Variants in PDGFC observed in about 807,000 individuals in gnomAD.
PDGFC encodes platelet derived growth factor C, also known as platelet-derived growth factor C.
A neutral mutation model predicts 35.5 loss-of-function variants in PDGFC; 12 were observed. The ratio of observed to expected loss-of-function variants is 0.34; its 90% CI spans 0.22 to 0.55. The LOEUF is 0.55. Among genes scored for constraint, PDGFC ranks in the 20% least tolerant of loss-of-function variants. PDGFC has a pLI of 0.91. For synonymous variants in PDGFC, 159 were observed against 148.8 expected (o/e 1.07, Z -0.50); for missense variants, 322 against 412.4 (o/e 0.78, Z 1.90).
At chr4:156,834,442 G>A (rs1358250584) in intron 2 of PDGFC, among the ~76,000 whole-genome samples, 1 of 152,084 alleles carries the variant, frequency 6.6e-6, no homozygotes, top group Non-Finnish European at 1.5e-5. Context: ...AATAATTTTA[G>A]AAGCAATAAA....
chr4:156,789,954 A>G (rs1056317106), intron 3 of PDGFC, among the ~76,000 whole-genome samples: 3 of 136,288 alleles, frequency 2.2e-5, no homozygotes, highest in Non-Finnish European at 4.6e-5. Context: ...TCCAGCCTGG[A>G]TGACAGAGTG....
At chr4:156,789,439 G>A (rs1731227610) in intron 3 of PDGFC, among the ~76,000 whole-genome samples, 1 of 152,046 alleles carries the variant, frequency 6.6e-6, no homozygotes, top group Non-Finnish European at 1.5e-5. Flanking sequence ...TGTGTACGGG[G>A]GCATTCAAAG....
intron 1 of PDGFC, among the ~76,000 whole-genome samples, chr4:156,866,180 C>T (rs1241374851): frequency 2.0e-5 from 3 of 152,110 alleles, no homozygotes; most frequent in African/African-American, 7.2e-5. Context: ...TTGTTCAATT[C>T]CCACCCATGA....
chr4:156,768,107 A>T, intron 4 of PDGFC, 117 bp from the exon 5 acceptor site: 1 of 692,756 alleles, frequency 1.4e-6, no homozygotes, highest in Admixed American at 2.3e-5. Flanking sequence ...AATATCCATA[A>T]CAATATCCGC....
chr4:156,938,091 C>G (rs560467133), intron 1 of PDGFC, among the ~76,000 whole-genome samples: 86 of 151,810 alleles, frequency 5.7e-4, no homozygotes, highest in African/African-American at 1.7e-3. Flanking sequence ...AGATTTCTTA[C>G]GAAAGGACAA....
At chr4:156,809,302 T>A (rs967056587) in intron 3 of PDGFC, among the ~76,000 whole-genome samples, 1 of 152,034 alleles carries the variant, frequency 6.6e-6, no homozygotes, top group Non-Finnish European at 1.5e-5. Flanking sequence ...GCCTAAAGTC[T>A]CCCAGATGTG....
chr4:156,778,048 G>A (rs1246757901), intron 3 of PDGFC, among the ~76,000 whole-genome samples: 1 of 152,148 alleles, frequency 6.6e-6, no homozygotes, highest in Non-Finnish European at 1.5e-5. Context: ...AGGTTGCAAT[G>A]AGCCAAGACT....
chr4:156,893,996 T>A (rs1730574760), intron 1 of PDGFC, among the ~76,000 whole-genome samples: 1 of 152,166 alleles, frequency 6.6e-6, no homozygotes, highest in African/African-American at 2.4e-5. Context: ...CAACCATGTA[T>A]CATTCACCTT....
At chr4:156,970,316 T>C (rs999144681) in intron 1 of PDGFC, among the ~76,000 whole-genome samples, 1 of 152,144 alleles carries the variant, frequency 6.6e-6, no homozygotes, top group Non-Finnish European at 1.5e-5. Context: ...ACCTCTATAT[T>C]TCCTATCTAC....
chr4:156,867,441 T>C (rs577403531), intron 1 of PDGFC, among the ~76,000 whole-genome samples: 6 of 152,340 alleles, frequency 3.9e-5, no homozygotes, highest in African/African-American at 1.2e-4. Flanking sequence ...ACATTCACAA[T>C]CTTTAAGATT....
At chr4:156,822,934 G>A (rs373882715) in intron 2 of PDGFC, among the ~76,000 whole-genome samples, 2 of 151,768 alleles carry the variant, frequency 1.3e-5, no homozygotes, top group Admixed American at 6.6e-5. Flanking sequence ...GGGTTTCTCC[G>A]TGTTGGTCAG....
chr4:156,842,126 T>C (rs771937883), intron 2 of PDGFC: 13 of 152,186 alleles, frequency 8.5e-5, no homozygotes, highest in Non-Finnish European at 1.5e-4. Context: ...AGTTATTCTT[T>C]GGTTTGTCTT....
intron 2 of PDGFC, among the ~76,000 whole-genome samples, chr4:156,842,387 G>C (rs2111058901): frequency 6.6e-6 from 1 of 151,492 alleles, no homozygotes; most frequent in Non-Finnish European, 1.5e-5. Flanking sequence ...AAAAAAATTA[G>C]CCAAGCTCTA....
At position 156,970,822 on chromosome 4, in the gene PDGFC, T is replaced by C. The variant is rs1732574639; in HGVS notation, c.82A>G (p.Ser28Gly). 1 of 1,613,006 alleles carries C rather than the reference T, an allele frequency of 6.2e-7. No individual in the cohort carries two copies. The highest frequency in any genetic ancestry group is 1.3e-5 in the African/African-American group (1 of 74,916). Residue 28 changes from serine to glycine, a missense_variant, in exon 1 of 6, where the codon AGT becomes GGT. Ser to Gly is a moderately conservative substitution (Grantham distance 56, BLOSUM62 0). This residue lies in a region of PDGFC where 120 missense variants were observed against 116.6 expected (regional missense o/e 1.03). Coordinates refer to ENST00000502773, the MANE Select transcript of PDGFC (RefSeq NM_016205.3). ...TTGTTGCTGGAAAACTGGAATTTAC[T>C]ACTCAGGTTGGATTCCGCCTGAGTC... ...QGTQAESNLSSKFQFSSNKEQ... is the reference protein window; with the variant it reads ...QGTQAESNLSGKFQFSSNKEQ...
chr4:156,836,713 T>A (rs1369357506), intron 2 of PDGFC, among the ~76,000 whole-genome samples: 1 of 152,224 alleles, frequency 6.6e-6, no homozygotes, highest in Non-Finnish European at 1.5e-5. Flanking sequence ...GTGAATCAAA[T>A]GCAATGAAAT....
intron 1 of PDGFC, among the ~76,000 whole-genome samples, chr4:156,865,774 AC>A: frequency 1.3e-5 from 2 of 152,270 alleles, no homozygotes; most frequent in Middle Eastern, 6.8e-3. Context: ...AGTAAACAGT[AC>A]CCTTGGGGTG....
At chr4:156,842,627 C>T (rs1011939586) in intron 2 of PDGFC, among the ~76,000 whole-genome samples, 9 of 152,128 alleles carry the variant, frequency 5.9e-5, no homozygotes, top group Non-Finnish European at 7.4e-5. Context: ...TCAAATCTCT[C>T]AGCTTAGTAG....
intron 2 of PDGFC, among the ~76,000 whole-genome samples, chr4:156,836,220 C>T (rs1345146376): frequency 6.6e-6 from 1 of 152,090 alleles, no homozygotes; most frequent in African/African-American, 2.4e-5. Flanking sequence ...GAGGTCTCAC[C>T]AATTGTTCTT....
chr4:156,770,407 C>T (rs908905279), intron 4 of PDGFC: 2 of 151,948 alleles, frequency 1.3e-5, no homozygotes, highest in African/African-American at 4.8e-5. Context: ...ACTGCTAAGG[C>T]TTCAAACGCA....
Sources: allele counts gnomAD v4.1 joint callset (sites outside exome capture counted in the v4.1 genomes callset), GRCh38; gene constraint gnomAD v4.1.1; regional missense constraint gnomAD v4.1.1; transcripts MANE v1.5; gene names NCBI Gene and HGNC (gene_info 2026-07-23, HGNC 2026-07-21).